The following BCAS3 variants were observed in gnomAD, a reference collection of about 807,000 sequenced individuals.
The protein encoded by BCAS3 is BCAS3 microtubule associated cell migration factor.
BCAS3 carries 53 observed loss-of-function variants against 116.1 expected under a neutral mutation model. The observed-to-expected ratio is 0.46, with a 90% CI of 0.37 to 0.57. The LOEUF (loss-of-function observed/expected upper bound fraction) is 0.57. Among genes scored for constraint, BCAS3 ranks in the 20% least tolerant of loss-of-function variants. The pLI, the probability that BCAS3 is intolerant of heterozygous loss-of-function variation, is 0.00. For missense variants in BCAS3, 917 were observed against 1,165.4 expected (o/e 0.79, Z 3.10); for synonymous variants, 391 against 408.2 (o/e 0.96, Z 0.51).
At chr17:61,148,703 C>A (rs531902330) in intron 22 of BCAS3, among the ~76,000 whole-genome samples, 2 of 152,162 alleles carry the variant, frequency 1.3e-5, no homozygotes, top group African/African-American at 2.4e-5. Flanking sequence ...TTTGTATTTG[C>A]GCACTCTCAA....
chr17:60,783,299 G>T (rs1435388063), intron 6 of BCAS3, among the ~76,000 whole-genome samples: 1 of 152,130 alleles, frequency 6.6e-6, no homozygotes, highest in Non-Finnish European at 1.5e-5. Context: ...TGAACTCCCT[G>T]GCTCAAGCGA....
chr17:61,045,883 A>ATTTATATATAATATATATAAATATATAT (rs534100732), intron 19 of BCAS3, among the ~76,000 whole-genome samples: 1 of 44,212 alleles, frequency 2.3e-5, no homozygotes, highest in Non-Finnish European at 3.1e-5. Context: ...ATAAATATAT[A>ATTTATATATAATATATATAAATATATAT]TTATATATAT....
chr17:61,381,873 C>G lies in BCAS3; in HGVS notation c.2594-10104C>G, dbSNP rs1190780384. 6.6e-6 allele frequency among the ~76,000 whole-genome samples: 1 copy of G among 152,154 alleles called. No individual in the cohort carries two copies. Among genetic ancestry groups the G allele is most frequent in the Non-Finnish European group, 1.5e-5 (1 of 68,030 alleles). On this transcript the variant is annotated intron_variant, in intron 23 of 23. Transcript: ENST00000407086. The surrounding 1 kb of genome is among the most constrained non-coding windows in gnomAD (Gnocchi z 6.0). ...AGTCTTAAAGGGACCTCAACCTCAG[C>G]ACAGCATTATTAATCTAGAAAATTC... is the stretch of plus-strand genomic sequence containing the variant.
At chr17:61,108,774 C>G (rs1223069598) in intron 22 of BCAS3, among the ~76,000 whole-genome samples, 1 of 152,110 alleles carries the variant, frequency 6.6e-6, no homozygotes, top group Non-Finnish European at 1.5e-5. Context: ...CACTCTTTCC[C>G]CTGAGTCCTG....
chr17:61,334,664 CAAAAAAA>C (rs35400660), intron 22 of BCAS3, among the ~76,000 whole-genome samples: 1,344 of 50,964 alleles, frequency 0.026, 22 homozygotes, highest in African/African-American at 0.085. Context: ...AACTCCATCT[CAAAAAAA>C]AAAAAAAAAA....
chr17:61,038,037 C>A lies in BCAS3; in HGVS notation c.1911C>A (p.Ala637=). 6.2e-7 allele frequency: 1 copy of A among 1,614,032 alleles called. No individual in the cohort carries two copies. The highest frequency in any genetic ancestry group is 8.5e-7 in the Non-Finnish European group (1 of 1,179,964). The change falls in exon 18 of 24, where the codon GCC becomes GCA. Residue 637 remains alanine (A), a synonymous_variant. Transcript: ENST00000407086. The part of the protein sequence containing the change: ...TPLEMMTSPR[A]SWTLVRTPQW... Reference sequence around the variant, plus strand: ...TGGAAATGATGACATCGCCTCGAGCCAGCTGGACTCTGGTTAGGTAGTACC... The same window carrying A: ...TGGAAATGATGACATCGCCTCGAGCAAGCTGGACTCTGGTTAGGTAGTACC...
intron 22 of BCAS3, among the ~76,000 whole-genome samples, chr17:61,152,965 G>T (rs1369357956): frequency 1.3e-5 from 2 of 152,144 alleles, no homozygotes; most frequent in Non-Finnish European, 2.9e-5. Context: ...TCTTTTGAAA[G>T]AAATTTTCTA....
At chr17:61,119,288 G>C (rs1469086913) in intron 22 of BCAS3, among the ~76,000 whole-genome samples, 1 of 152,112 alleles carries the variant, frequency 6.6e-6, no homozygotes, top group Non-Finnish European at 1.5e-5. Context: ...TATGAATTTA[G>C]ATTCAGAAAT....
At chr17:60,702,489 G>A (rs1354666257) in intron 4 of BCAS3, among the ~76,000 whole-genome samples, 1 of 152,178 alleles carries the variant, frequency 6.6e-6, no homozygotes, top group Admixed American at 6.6e-5. Flanking sequence ...ATAAAAAGTT[G>A]AATTGATTGA....
chr17:60,895,735 G>GTGTTTCAAGATCATCATT (rs2145032224), intron 10 of BCAS3, among the ~76,000 whole-genome samples: 1 of 152,218 alleles, frequency 6.6e-6, no homozygotes, highest in Non-Finnish European at 1.5e-5. Context: ...TTGGTATGTT[G>GTGTTTCAAGATCATCATT]TGTTTCAAGA....
intron 3 of BCAS3, among the ~76,000 whole-genome samples, chr17:60,686,072 G>A (rs868125685): frequency 1.3e-5 from 2 of 151,948 alleles, no homozygotes; most frequent in Non-Finnish European, 2.9e-5. Context: ...GTTTCACTGT[G>A]TTAGCTAGGA....
intron 7 of BCAS3, among the ~76,000 whole-genome samples, chr17:60,828,881 G>A (rs1214004357): frequency 6.6e-6 from 1 of 152,162 alleles, no homozygotes; most frequent in East Asian, 1.9e-4. Context: ...ATCCCCAAGG[G>A]ATATTTGGCA....
chr17:61,208,161 G>A lies in BCAS3; in HGVS notation c.2425+123597G>A, dbSNP rs761865960. ...TTCAAATCTAAATTCAGGATGGGAAGGTTTCATGAACTTTCCAGAGACTAG... is the reference window on the plus strand; with the variant it reads ...TTCAAATCTAAATTCAGGATGGGAAAGTTTCATGAACTTTCCAGAGACTAG... On this transcript the variant is annotated intron_variant, in intron 22 of 23. Transcript: ENST00000407086. The surrounding 1 kb of genome is among the most constrained non-coding windows in gnomAD (Gnocchi z 4.5). Among the ~76,000 whole-genome samples, 5 of 152,160 alleles carry A rather than the reference G, an allele frequency of 3.3e-5. No individual in the cohort carries two copies. Among genetic ancestry groups the A allele is most frequent in the Non-Finnish European group, 5.9e-5 (4 of 68,024 alleles).
At chr17:60,974,312 A>G (rs769077875) in intron 14 of BCAS3, among the ~76,000 whole-genome samples, 56 of 152,274 alleles carry the variant, frequency 3.7e-4, no homozygotes, top group Admixed American at 1.5e-3. Flanking sequence ...CTAGTACCCA[A>G]TCCTCTTGTT....
At chr17:61,236,679 T>C (rs772978987) in intron 22 of BCAS3, among the ~76,000 whole-genome samples, 44 of 152,074 alleles carry the variant, frequency 2.9e-4, no homozygotes, top group Non-Finnish European at 5.0e-4. Flanking sequence ...TCTACTTATA[T>C]ACAAATGGCT....
rs768018457 is a variant in BCAS3, at chr17:61,215,588, T to C, written c.2425+131024T>C. Among the ~76,000 whole-genome samples, 5 of 152,210 alleles carry C rather than the reference T, an allele frequency of 3.3e-5. No homozygotes were observed. The highest frequency in any genetic ancestry group is 7.3e-5 in the Non-Finnish European group (5 of 68,042). On this transcript the variant is annotated intron_variant, in intron 22 of 23. Coordinates refer to ENST00000407086, the MANE Select transcript of BCAS3 (RefSeq NM_017679.5). The surrounding 1 kb of genome is among the most constrained non-coding windows in gnomAD (Gnocchi z 4.8). ...ACTGACTATAAAATACAGAGGAACA[T>C]ACTTTTTAAGCCACTTAAGCTCAAA...
At chr17:60,683,823 C>A (rs555028542) in intron 2 of BCAS3, among the ~76,000 whole-genome samples, 159 bp from the exon 3 acceptor site, 1 of 151,812 alleles carries the variant, frequency 6.6e-6, no homozygotes, top group East Asian at 1.9e-4. Context: ...CAGAGTGAAA[C>A]CTTGTCTCAA....
chr17:61,042,897 A>AT (rs1377195643), intron 19 of BCAS3, among the ~76,000 whole-genome samples: 4 of 142,158 alleles, frequency 2.8e-5, no homozygotes, highest in African/African-American at 1.2e-4. Context: ...CTCACAAAAA[A>AT]AAAAAAAAAA....
chr17:60,790,189 G>C (rs1052645650), intron 6 of BCAS3, among the ~76,000 whole-genome samples: 5 of 152,122 alleles, frequency 3.3e-5, no homozygotes, highest in African/African-American at 7.2e-5. Context: ...AGCAAAGTTT[G>C]CTGGACTGAT....
Sources: gnomAD v4.1 joint callset for allele counts (sites outside exome capture counted in the v4.1 genomes callset) on GRCh38, gnomAD v4.1.1 for gene constraint, Gnocchi (gnomAD v3.1) non-coding constraint, MANE v1.5 for transcripts, NCBI Gene and HGNC (gene_info 2026-07-23, HGNC 2026-07-21) for gene names.